The following GFOD1 variants were observed in gnomAD, a reference collection of about 807,000 sequenced individuals.
GFOD1 encodes Gfo/Idh/MocA-like oxidoreductase domain containing 1.
GFOD1 carries 9 observed loss-of-function variants against 25.4 expected under a neutral mutation model. The observed-to-expected ratio is 0.35, with a 90% CI of 0.21 to 0.62. The LOEUF is 0.62. Among genes scored for constraint, GFOD1 ranks in the 20% least tolerant of loss-of-function variants. The pLI is 0.72. For missense variants in GFOD1, 403 were observed against 556.9 expected (o/e 0.72, Z 2.78); for synonymous variants, 253 against 245.6 (o/e 1.03, Z -0.28).
rs116474084 is a variant in GFOD1, at chr6:13,457,713, G to A, written c.253+28925C>T. On this transcript the variant is annotated intron_variant, in intron 1 of 1. Transcript: ENST00000379287. ...TCAGAGTAAGCAAGTCATCCTTAAC[G>A]CAGTTCTAAACTAGACTCTATGACA... Among the ~76,000 whole-genome samples the A allele has an allele frequency of 2.4e-3, 359 of 152,316 alleles. 3 individuals carry two copies. Among genetic ancestry groups the A allele is most frequent in the African/African-American group, 8.1e-3 (337 of 41,554 alleles).
chr6:13,388,511 G>A (rs1193651543), intron 1 of GFOD1, among the ~76,000 whole-genome samples: 1 of 152,208 alleles, frequency 6.6e-6, no homozygotes, highest in Non-Finnish European at 1.5e-5. Context: ...AAGCAATGGG[G>A]AAAGAATTCC....
At chr6:13,482,609 G>A (rs1279193501) in intron 1 of GFOD1, among the ~76,000 whole-genome samples, 2 of 152,024 alleles carry the variant, frequency 1.3e-5, no homozygotes, top group Non-Finnish European at 2.9e-5. Flanking sequence ...TCAGCTGGGT[G>A]TGGTGGCACA....
At chr6:13,460,204 C>A (rs1758268165) in intron 1 of GFOD1, among the ~76,000 whole-genome samples, 1 of 152,152 alleles carries the variant, frequency 6.6e-6, no homozygotes, top group Non-Finnish European at 1.5e-5. Context: ...AACACTTTTA[C>A]ACTGTTGATG....
intron 1 of GFOD1, among the ~76,000 whole-genome samples, chr6:13,442,803 G>A (rs1041014650): frequency 6.6e-6 from 1 of 152,168 alleles, no homozygotes; most frequent in African/African-American, 2.4e-5. Flanking sequence ...CAATCCACCT[G>A]GTCACCCAAG....
intron 1 of GFOD1, among the ~76,000 whole-genome samples, chr6:13,418,152 T>C (rs187960549): frequency 6.6e-6 from 1 of 152,248 alleles, no homozygotes; most frequent in Non-Finnish European, 1.5e-5. Context: ...TGGACAAAGG[T>C]TGTCATTTTT....
chr6:13,463,765 ATTT>A (rs1554205317), intron 1 of GFOD1, among the ~76,000 whole-genome samples: 5 of 152,128 alleles, frequency 3.3e-5, no homozygotes, highest in Non-Finnish European at 7.4e-5. Context: ...TTATCTGTAA[ATTT>A]TTTAACACTG....
rs2494772 is a variant in GFOD1 at position 13,486,297 on chromosome 6, G to C, written c.253+341C>G. ...TGGACACTACACACACAGCTGAGGA[G>C]TAACTTTCCTCTTCTCGCGGAGCAC... On this transcript the variant is annotated intron_variant, in intron 1 of 1. Transcript: ENST00000379287. 1 allele frequency: 321,689 copies of C among 322,484 alleles called. 160,458 individuals are homozygous for C. Among genetic ancestry groups the C allele is most frequent in the East Asian group, 1 (11,154 of 11,154 alleles). The allele number at this position is 322,484 out of a possible 1,614,324, so 20.0% of individuals were successfully genotyped here. A position where few individuals can be genotyped will look rare whatever the true frequency, so the allele number is the denominator to read the frequency against.
At chr6:13,402,348 C>T (rs536462249) in intron 1 of GFOD1, among the ~76,000 whole-genome samples, 1 of 151,936 alleles carries the variant, frequency 6.6e-6, no homozygotes, top group African/African-American at 2.4e-5. Context: ...TGAACTTCAT[C>T]GAAACAAAAA....
At chr6:13,461,134 G>A (rs1758283699) in intron 1 of GFOD1, among the ~76,000 whole-genome samples, 2 of 152,232 alleles carry the variant, frequency 1.3e-5, no homozygotes, top group Admixed American at 6.5e-5. Context: ...ATGAGTGTGT[G>A]TACTGTCTAC....
Position 13,365,631 on chromosome 6 carries a change from C to G in GFOD1, c.285G>C (p.Thr95=). 6.3e-7 allele frequency: 1 copy of G among 1,598,542 alleles called. No individual in the cohort carries two copies. The change falls in exon 2 of 2, where the codon ACG becomes ACC. Residue 95 remains threonine, a synonymous_variant. Coordinates refer to ENST00000379287, the MANE Select transcript of GFOD1 (RefSeq NM_018988.4). The surrounding 1 kb of genome is among the most constrained non-coding windows in gnomAD (Gnocchi z 9.2). ...TGCGGAAAGCGTCCAGCGGCGTGGC[C>G]GTGCGGTCGCAGATGACGTTCTTGC... ...GIGKNVICDR[T]ATPLDAFRMT...
intron 1 of GFOD1, among the ~76,000 whole-genome samples, chr6:13,469,051 G>A (rs6931785): frequency 0.048 from 7,251 of 152,250 alleles, 579 homozygotes; most frequent in African/African-American, 0.16. Context: ...GCTGGCCACA[G>A]GGCATTGTGA....
intron 1 of GFOD1, among the ~76,000 whole-genome samples, chr6:13,389,751 TTAAAGTATAATGATAATAAAAAATC>T (rs1346916901): frequency 6.6e-6 from 1 of 152,104 alleles, no homozygotes; most frequent in African/African-American, 2.4e-5. Context: ...ACCCTAGAAC[TTAAAGTATAATGATAATAAAAAATC>T]TAACGCCCCT....
chr6:13,376,451 T>C (rs1272875290), intron 1 of GFOD1, among the ~76,000 whole-genome samples: 1 of 151,924 alleles, frequency 6.6e-6, no homozygotes, highest in Admixed American at 6.6e-5. Flanking sequence ...CAAGCCAGGA[T>C]TCACAGTGCA....
At chr6:13,434,950 C>T (rs546507583) in intron 1 of GFOD1, among the ~76,000 whole-genome samples, 1 of 152,354 alleles carries the variant, frequency 6.6e-6, no homozygotes, top group East Asian at 1.9e-4. Context: ...CAGAAACTCA[C>T]ACATCCTGAG....
chr6:13,385,890 T>C (rs1017470653), intron 1 of GFOD1, among the ~76,000 whole-genome samples: 1 of 152,124 alleles, frequency 6.6e-6, no homozygotes, highest in African/African-American at 2.4e-5. Context: ...GTTCCCTCTC[T>C]GCTCTACAAA....
At position 13,387,345 on chromosome 6, in the gene GFOD1, G is replaced by A. The variant is rs139660923; in HGVS notation, c.254-21683C>T. On this transcript the variant is annotated intron_variant, in intron 1 of 1. Coordinates refer to ENST00000379287, the MANE Select transcript of GFOD1 (RefSeq NM_018988.4). ...AGAATTTTAGGCCAATATCCCTGAT[G>A]AACATCGATGCAAAAATCCTCAATA... Among the ~76,000 whole-genome samples, 1,018 of 152,292 alleles carry A rather than the reference G, an allele frequency of 6.7e-3. 14 individuals carry two copies. The highest frequency in any genetic ancestry group is 0.023 in the African/African-American group (954 of 41,544).
intron 1 of GFOD1, among the ~76,000 whole-genome samples, chr6:13,458,796 G>T (rs1362859981): frequency 1.4e-5 from 2 of 145,762 alleles, no homozygotes; most frequent in Non-Finnish European, 3.0e-5. Flanking sequence ...AGTGAGAGGG[G>T]GCTGAAGAGC....
At chr6:13,373,997 A>T (rs1785200982) in intron 1 of GFOD1, among the ~76,000 whole-genome samples, 1 of 152,128 alleles carries the variant, frequency 6.6e-6, no homozygotes, top group African/African-American at 2.4e-5. Flanking sequence ...CATAGCACAA[A>T]TGGTACAATT....
At chr6:13,366,685 G>A (rs1340747454) in intron 1 of GFOD1, among the ~76,000 whole-genome samples, 1 of 150,978 alleles carries the variant, frequency 6.6e-6, no homozygotes, top group Non-Finnish European at 1.5e-5. Context: ...TAAGAGACAG[G>A]GGTCTCCTTA....
Sources: gnomAD v4.1 joint callset for allele counts (sites outside exome capture counted in the v4.1 genomes callset) on GRCh38, gnomAD v4.1.1 for gene constraint, Gnocchi (gnomAD v3.1) non-coding constraint, MANE v1.5 for transcripts, NCBI Gene and HGNC (gene_info 2026-07-23, HGNC 2026-07-21) for gene names.